ITGAV: variants seen among roughly 807,000 people sequenced by gnomAD.
ITGAV encodes integrin subunit alpha V.
In ITGAV, 76 loss-of-function variants were observed where a neutral mutation model predicts 143.8. The observed-to-expected ratio is 0.53, with a 90% confidence interval of 0.44 to 0.64. The LOEUF is 0.64. ITGAV is among the 30% of genes least tolerant of loss of function. The pLI, the probability that ITGAV is intolerant of heterozygous loss-of-function variation, is 0.00. For missense variants in ITGAV, 1,193 were observed against 1,274.7 expected, an observed-to-expected ratio of 0.94 and a Z score of 0.98; for synonymous variants, 453 against 446.7, an observed-to-expected ratio of 1.01 and a Z score of -0.18.
chr2:186,590,262 G>A lies in ITGAV; in HGVS notation c.-77G>A, dbSNP rs1686573122. The A allele has an allele frequency of 8.8e-6, 11 of 1,256,300 alleles. 1 individual carries two copies. In the East Asian group the frequency reaches 3.2e-4, roughly 36 times the overall value. The allele number at this position is 1,256,300 out of a possible 1,614,324, so 77.8% of individuals were successfully genotyped here. On this transcript the variant is annotated 5_prime_UTR_variant, in exon 1 of 30. Coordinates refer to ENST00000261023, the MANE Select transcript of ITGAV (RefSeq NM_002210.5). Reference sequence around the variant, plus strand: ...TTTGGGCGCGCGCAGGCGGCGGGCCGCGGGCACTGGGCGCCTCGCTGGGGC... The same window carrying A: ...TTTGGGCGCGCGCAGGCGGCGGGCCACGGGCACTGGGCGCCTCGCTGGGGC...
chr2:186,623,081 A>AG (rs1331972028), intron 3 of ITGAV, among the ~76,000 whole-genome samples: 5 of 152,120 alleles, frequency 3.3e-5, no homozygotes, highest in African/African-American at 1.2e-4. Context: ...AGAAAAAAAA[A>AG]TAACAACCTT....
At chr2:186,622,474 T>A (rs1360389565) in intron 3 of ITGAV, 44 bp downstream of exon 3, 1 of 1,250,642 alleles carries the variant, frequency 8.0e-7, no homozygotes, top group South Asian at 1.2e-5. Context: ...TTAGTCAGTT[T>A]ATGTGGAGAC....
In ITGAV at chr2:186,677,639, TTTGTTG is replaced by T. The variant is rs750013127; in HGVS notation, c.*374_*379del. On this transcript the variant is annotated 3_prime_UTR_variant, in exon 30 of 30. Coordinates refer to ENST00000261023, the MANE Select transcript of ITGAV (RefSeq NM_002210.5). Reference sequence around the variant, plus strand: ...TTCTGATTTAATGTACGGAACTTTATTTGTTGTTGTTGTTGTTGTTGTTGTTGTTGT... The same window carrying T: ...TTCTGATTTAATGTACGGAACTTTATTTGTTGTTGTTGTTGTTGTTGTTGT... 2.4e-3 allele frequency: 445 copies of T among 189,224 alleles called. 1 individual carries two copies. The highest frequency in any genetic ancestry group is 4.3e-3 in the African/African-American group (182 of 41,918). The allele number at this position is 189,224 out of a possible 1,614,324, so 11.7% of individuals were successfully genotyped here.
chr2:186,632,885 G>GT (rs1383104147), intron 5 of ITGAV, among the ~76,000 whole-genome samples: 1 of 151,956 alleles, frequency 6.6e-6, no homozygotes, highest in African/African-American at 2.4e-5. Flanking sequence ...ATATTAAAAT[G>GT]TTTCTTTTAA....
chr2:186,644,806 G>A (rs1239779810), intron 12 of ITGAV, among the ~76,000 whole-genome samples: 1 of 147,968 alleles, frequency 6.8e-6, no homozygotes, highest in Non-Finnish European at 1.5e-5. Context: ...TCCAATGGGG[G>A]CAGCATATAT....
intron 2 of ITGAV, among the ~76,000 whole-genome samples, chr2:186,606,353 C>T (rs1029473408): frequency 7.9e-5 from 12 of 152,192 alleles, no homozygotes; most frequent in African/African-American, 2.9e-4. Flanking sequence ...TGACGTTGCA[C>T]GGGTTACTGT....
At chr2:186,655,579 A>C (rs533740129) in intron 16 of ITGAV, among the ~76,000 whole-genome samples, 6 of 152,354 alleles carry the variant, frequency 3.9e-5, no homozygotes, top group African/African-American at 1.4e-4. Flanking sequence ...AATAAAGGTC[A>C]CCTTTTAGAG....
At chr2:186,671,231 G>C (rs904512924) in intron 26 of ITGAV, among the ~76,000 whole-genome samples, 1 of 152,032 alleles carries the variant, frequency 6.6e-6, no homozygotes, top group African/African-American at 2.4e-5. Flanking sequence ...TGTCACTCCA[G>C]TGCCTTCCCA....
intron 6 of ITGAV, among the ~76,000 whole-genome samples, chr2:186,634,893 G>T (rs1183973363): frequency 6.6e-6 from 1 of 151,978 alleles, no homozygotes; most frequent in Admixed American, 6.6e-5. Context: ...AGCATGCCTG[G>T]GAACCAAAAC....
At position 186,646,058 on chromosome 2, in the gene ITGAV, G is replaced by C. The variant is rs61765189; in HGVS notation, c.1160-628G>C. ...ACTTGTCTAGGGTGGCAGCAGCAGA[G>C]AGAGAAGTGGGCAGATTGGTAATAC... On this transcript the variant is annotated intron_variant, in intron 12 of 29. Transcript: ENST00000261023. Among the ~76,000 whole-genome samples, 682 of 152,288 alleles carry C rather than the reference G, an allele frequency of 4.5e-3. 2 individuals carry two copies. Among genetic ancestry groups the C allele is most frequent in the African/African-American group, 0.016 (657 of 41,556 alleles).
intron 2 of ITGAV, among the ~76,000 whole-genome samples, chr2:186,614,190 T>C (rs1269131496): frequency 6.6e-6 from 1 of 152,100 alleles, no homozygotes; most frequent in East Asian, 1.9e-4. Context: ...TGCATGTCCA[T>C]TGATGAAAAT....
intron 1 of ITGAV, among the ~76,000 whole-genome samples, chr2:186,591,701 A>C (rs1030770594): frequency 6.6e-6 from 1 of 152,148 alleles, no homozygotes; most frequent in Admixed American, 6.5e-5. Flanking sequence ...GTTTTTCTGA[A>C]TGTTACTGAG....
At chr2:186,618,104 T>C (rs546199651) in intron 2 of ITGAV, among the ~76,000 whole-genome samples, 60 of 152,358 alleles carry the variant, frequency 3.9e-4, no homozygotes, top group African/African-American at 1.4e-3. Context: ...TTCTTTTGCA[T>C]TCTCTTCACC....
chr2:186,648,570 G>A (rs190862172), intron 13 of ITGAV, among the ~76,000 whole-genome samples: 65 of 152,212 alleles, frequency 4.3e-4, no homozygotes, highest in Non-Finnish European at 7.9e-4. Flanking sequence ...GTTCAAGAGA[G>A]TCTCCTGCCT....
Position 186,676,854 on chromosome 2 carries a change from G to A in ITGAV, c.2970G>A (p.Met990Ile). ...NVTWGIQPAP[M>I]PVPVWVIILA... ...CCTGGGGCATTCAGCCAGCGCCCATGCCTGTGCCTGTGTGGGTGATCATTT... is the reference window on the plus strand; with the variant it reads ...CCTGGGGCATTCAGCCAGCGCCCATACCTGTGCCTGTGTGGGTGATCATTT... The change falls in exon 29 of 30, where the codon ATG becomes ATA. Residue 990 changes from methionine (M) to isoleucine (I), a missense_variant. Coordinates refer to ENST00000261023, the MANE Select transcript of ITGAV (RefSeq NM_002210.5). 1 of 1,614,100 alleles carries A rather than the reference G, an allele frequency of 6.2e-7. No individual in the cohort carries two copies. Among genetic ancestry groups the A allele is most frequent in the Non-Finnish European group, 8.5e-7 (1 of 1,179,972 alleles).
rs754047780 is a variant in ITGAV at position 186,675,885 on chromosome 2, T to C, written c.2886T>C (p.Pro962=). Residue 962 remains proline, a synonymous_variant, in exon 28 of 30, where the codon CCT becomes CCC. Transcript: ENST00000261023. ...CTTCATTTAATGTCATAGAGTTTCCTTATAAGAATCTTCCAATTGAGGATA... is the reference window on the plus strand; with the variant it reads ...CTTCATTTAATGTCATAGAGTTTCCCTATAAGAATCTTCCAATTGAGGATA... The part of the protein sequence containing the change: ...SSASFNVIEF[P]YKNLPIEDIT... 25 of 1,608,302 alleles carry C rather than the reference T, an allele frequency of 1.6e-5. No homozygotes were observed. The South Asian group carries it at 2.6e-4, about 17-fold the overall frequency.
intron 7 of ITGAV, among the ~76,000 whole-genome samples, 200 bp from the exon 8 acceptor site, chr2:186,636,865 A>T (rs1352189620): frequency 6.6e-6 from 1 of 152,220 alleles, no homozygotes. Flanking sequence ...TTTGTAATAA[A>T]AATAGACTAT....
chr2:186,600,335 A>G (rs987652118), intron 1 of ITGAV: 1 of 1,543,782 alleles, frequency 6.5e-7, no homozygotes, highest in African/African-American at 1.4e-5. Flanking sequence ...CAATACACAA[A>G]TGCTCCTAGG....
chr2:186,668,996 T>A, intron 25 of ITGAV, 76 bp downstream of exon 25: 1 of 1,323,718 alleles, frequency 7.6e-7, no homozygotes, highest in Non-Finnish European at 1.0e-6. Context: ...AAGAAATTCA[T>A]AAAATAAAAC....
Sources: gnomAD v4.1 joint callset for allele counts (sites outside exome capture counted in the v4.1 genomes callset) on GRCh38, gnomAD v4.1.1 for gene constraint, MANE v1.5 for transcripts, NCBI Gene and HGNC (gene_info 2026-07-23, HGNC 2026-07-21) for gene names.